ILKAP: variants seen among roughly 807,000 people sequenced by gnomAD.
The protein encoded by ILKAP is ILK associated serine/threonine phosphatase, also known as integrin-linked kinase-associated serine/threonine phosphatase 2C.
Under a neutral mutation model 49.1 loss-of-function variants are expected in ILKAP, and 11 were observed. The ratio of observed to expected loss-of-function variants is 0.22; its 90% CI spans 0.14 to 0.37. ILKAP has a LOEUF of 0.37. ILKAP is among the 10% of genes least tolerant of loss of function. ILKAP has a pLI of 1.00. For missense variants in ILKAP, 363 were observed against 510.8 expected (o/e 0.71, Z 2.79); for synonymous variants, 186 against 192.8 (o/e 0.96, Z 0.29).
At position 238,183,372 on chromosome 2, in the gene ILKAP, A is replaced by T. The variant is rs116119026; in HGVS notation, c.714+281T>A. Among the ~76,000 whole-genome samples, 393 of 152,310 alleles carry T rather than the reference A, an allele frequency of 2.6e-3. 1 individual carries two copies. The highest frequency in any genetic ancestry group is 9.0e-3 in the African/African-American group (373 of 41,554). ...TACATTCTGATCCACAGCATCACAC[A>T]CACAAACCACGGGAGGAAAAAAGAA... On this transcript the variant is annotated intron_variant, in intron 8 of 11. Coordinates refer to ENST00000254654, the MANE Select transcript of ILKAP (RefSeq NM_030768.3).
chr2:238,197,736 T>C lies in ILKAP; in HGVS notation c.56-2866A>G, dbSNP rs114370232. Among the ~76,000 whole-genome samples, 307 of 152,252 alleles carry C rather than the reference T, an allele frequency of 2.0e-3. 1 individual carries two copies. The highest frequency in any genetic ancestry group is 6.9e-3 in the African/African-American group (286 of 41,546). ...CCTTCTTTCTCACTCTGGAATACTA[T>C]GAGAGGTATTTCAATTAAACACAAT... On this transcript the variant is annotated intron_variant, in intron 1 of 11. Transcript: ENST00000254654.
chr2:238,174,878 T>C (rs1559288386), intron 9 of ILKAP, among the ~76,000 whole-genome samples: 1 of 152,136 alleles, frequency 6.6e-6, no homozygotes, highest in Non-Finnish European at 1.5e-5. Context: ...GCCAACAAAG[T>C]ACCTCTCCCA....
intron 9 of ILKAP, 33 bp from the exon 10 acceptor site, chr2:238,173,686 C>A: frequency 1.2e-6 from 2 of 1,607,692 alleles, no homozygotes; most frequent in Non-Finnish European, 8.5e-7. Context: ...TCAGACTCTA[C>A]CTGACAGATT....
chr2:238,178,243 A>T (rs1693547889), intron 9 of ILKAP, among the ~76,000 whole-genome samples: 1 of 152,214 alleles, frequency 6.6e-6, no homozygotes, highest in Admixed American at 6.5e-5. Flanking sequence ...GTGCAGTGGC[A>T]CAATCATAGC....
intron 1 of ILKAP, among the ~76,000 whole-genome samples, chr2:238,197,656 A>G (rs1694400705): frequency 6.6e-6 from 1 of 152,142 alleles, no homozygotes; most frequent in Non-Finnish European, 1.5e-5. Context: ...CTCTGGCTAC[A>G]ATTCAGTCAG....
chr2:238,175,463 C>T (rs13001876), intron 9 of ILKAP, among the ~76,000 whole-genome samples: 1 of 152,148 alleles, frequency 6.6e-6, no homozygotes, highest in South Asian at 2.1e-4. Context: ...GGAGAAAGCA[C>T]AATGGACAGA....
chr2:238,202,682 G>A (rs964900584), intron 1 of ILKAP, among the ~76,000 whole-genome samples: 2 of 152,122 alleles, frequency 1.3e-5, no homozygotes, highest in Non-Finnish European at 2.9e-5. Flanking sequence ...TGGAAGTCTT[G>A]CATATGAAAT....
Position 238,189,888 on chromosome 2 carries a change from C to G in ILKAP, c.263G>C (p.Gly88Ala). The change falls in exon 4 of 12, where the codon GGC (glycine) becomes GCC (alanine). Residue 88 changes from glycine to alanine, a missense_variant. Gly to Ala is a moderately conservative substitution (Grantham distance 60). Around this residue, in one of 3 missense-constraint regions of ILKAP, gnomAD observed 114 missense variants for 116.0 expected, o/e 0.98. Coordinates refer to ENST00000254654, the MANE Select transcript of ILKAP (RefSeq NM_030768.3). ...TTTCTTTTCCACAAGCTCTTCACTG[C>G]CATTCTTCTCTTCCTCGGAGGTTTT... is the stretch of plus-strand genomic sequence containing the variant. ...KRKTSEEEKNGSEELVEKKVC... is the reference protein window; with the variant it reads ...KRKTSEEEKNASEELVEKKVC... 6.2e-7 allele frequency: 1 copy of G among 1,614,058 alleles called. No homozygotes were observed. The highest frequency in any genetic ancestry group is 8.5e-7 in the Non-Finnish European group (1 of 1,179,904).
At chr2:238,178,559 T>C (rs1342569240) in intron 9 of ILKAP, among the ~76,000 whole-genome samples, 1 of 152,238 alleles carries the variant, frequency 6.6e-6, no homozygotes, top group Non-Finnish European at 1.5e-5. Context: ...CCAAGATTTC[T>C]AGCATTAAGA....
At chr2:238,184,185 GTTTGT>G (rs937433643) in intron 6 of ILKAP, 72 bp from the exon 7 acceptor site, 2 of 926,622 alleles carry the variant, frequency 2.2e-6, no homozygotes, top group Non-Finnish European at 3.5e-6. Context: ...TGTCATTTTG[GTTTGT>G]TTTTTGTTTT....
At chr2:238,175,621 G>A (rs1282284505) in intron 9 of ILKAP, among the ~76,000 whole-genome samples, 1 of 152,150 alleles carries the variant, frequency 6.6e-6, no homozygotes, top group African/African-American at 2.4e-5. Context: ...CCATCTCTGA[G>A]ATCGAGCATC....
At chr2:238,189,046 C>T (rs1694015576) in intron 4 of ILKAP, among the ~76,000 whole-genome samples, 1 of 151,706 alleles carries the variant, frequency 6.6e-6, no homozygotes, top group African/African-American at 2.4e-5. Context: ...GGGCCAGGCA[C>T]GGTTGCTCAC....
At chr2:238,199,613 A>C (rs1694486784) in intron 1 of ILKAP, among the ~76,000 whole-genome samples, 1 of 151,454 alleles carries the variant, frequency 6.6e-6, no homozygotes, top group African/African-American at 2.4e-5. Flanking sequence ...TATTGCAATT[A>C]TTTTCTCGGT....
At chr2:238,178,975 G>A (rs1693582264) in intron 9 of ILKAP, among the ~76,000 whole-genome samples, 1 of 152,020 alleles carries the variant, frequency 6.6e-6, no homozygotes, top group South Asian at 2.1e-4. Flanking sequence ...TTATTTTTTG[G>A]TATTTCTTGT....
rs34662576 is a variant in ILKAP, at chr2:238,175,122, C to CTT, written c.837-1471_837-1470dup. The stretch of plus-strand genomic sequence containing the variant: ...CAGGAACTGCCATCTCTCATTCTCT[C>CTT]TTTTTTTTTTTAAGAGACAGGGTCT... On this transcript the variant is annotated intron_variant, in intron 9 of 11. Transcript: ENST00000254654. 2.6e-4 allele frequency among the ~76,000 whole-genome samples: 39 copies of CTT among 148,240 alleles called. 1 individual carries two copies. The Middle Eastern group carries it at 0.011, about 40-fold the overall frequency.
chr2:238,190,028 C>A, intron 3 of ILKAP, 56 bp from the exon 4 acceptor site: 1 of 1,582,812 alleles, frequency 6.3e-7, no homozygotes, highest in South Asian at 1.1e-5. Flanking sequence ...TGGAAAAAGT[C>A]ACTAGTAGAC....
chr2:238,170,858 G>A, intron 11 of ILKAP, 85 bp downstream of exon 11: 1 of 1,448,652 alleles, frequency 6.9e-7, no homozygotes, highest in Non-Finnish European at 9.7e-7. Flanking sequence ...CCCACAATGG[G>A]AGGAAATGGG....
chr2:238,202,864 GA>G (rs1484939671), intron 1 of ILKAP, among the ~76,000 whole-genome samples: 1 of 148,846 alleles, frequency 6.7e-6, no homozygotes, highest in African/African-American at 2.5e-5. Context: ...ACTTCAAGGA[GA>G]GGGGGAACTT....
intron 9 of ILKAP, among the ~76,000 whole-genome samples, chr2:238,178,549 C>A (rs1347120971): frequency 6.6e-6 from 1 of 152,050 alleles, no homozygotes; most frequent in Admixed American, 6.6e-5. Context: ...TTGTTAAGAA[C>A]CAAGATTTCT....
Sources: gnomAD v4.1 joint callset for allele counts (sites outside exome capture counted in the v4.1 genomes callset) on GRCh38, gnomAD v4.1.1 for gene constraint, gnomAD v4.1.1 regional missense constraint, MANE v1.5 for transcripts, NCBI Gene and HGNC (gene_info 2026-07-23, HGNC 2026-07-21) for gene names.